ALK: variants seen among roughly 807,000 people sequenced by gnomAD.
ALK encodes the protein ALK receptor tyrosine kinase.
Under a neutral mutation model 163.1 loss-of-function variants are expected in ALK, and 74 were observed. The ratio of observed to expected loss-of-function variants is 0.45; its 90% CI spans 0.38 to 0.55. The LOEUF is 0.55. Among genes scored for constraint, ALK ranks in the 20% least tolerant of loss-of-function variants. The pLI, the probability that ALK is intolerant of heterozygous loss-of-function variation, is 0.00. For missense variants in ALK, 2,063 were observed against 2,105.3 expected (o/e 0.98, Z 0.39); for synonymous variants, 960 against 843.2 (o/e 1.14, Z -2.40).
chr2:29,759,547 G>A (rs1057140179), intron 1 of ALK, among the ~76,000 whole-genome samples: 3 of 152,208 alleles, frequency 2.0e-5, no homozygotes, highest in Non-Finnish European at 4.4e-5. Context: ...CCCTTGACAT[G>A]CTTTCTGGGA....
intron 1 of ALK, among the ~76,000 whole-genome samples, chr2:29,866,380 C>A (rs1666434898): frequency 6.6e-6 from 1 of 152,184 alleles, no homozygotes; most frequent in Admixed American, 6.5e-5. Flanking sequence ...CAACTCGACA[C>A]GCAATGCTCA....
intron 5 of ALK, among the ~76,000 whole-genome samples, chr2:29,363,356 G>A (rs1313690365): frequency 6.6e-6 from 1 of 152,162 alleles, no homozygotes; most frequent in African/African-American, 2.4e-5. Context: ...CATATCTAGG[G>A]AACTGGAGGC....
intron 3 of ALK, among the ~76,000 whole-genome samples, chr2:29,605,594 G>C (rs886503823): frequency 1.3e-5 from 2 of 152,148 alleles, no homozygotes; most frequent in African/African-American, 4.8e-5. Flanking sequence ...GGAGACCAGA[G>C]CTTTGTCTCT....
At chr2:29,876,097 C>T (rs908548298) in intron 1 of ALK, among the ~76,000 whole-genome samples, 1 of 152,178 alleles carries the variant, frequency 6.6e-6, no homozygotes, top group Non-Finnish European at 1.5e-5. Context: ...ATCTACCCTG[C>T]CTTTGCCAGT....
chr2:29,745,767 G>A (rs1436459334), intron 1 of ALK, among the ~76,000 whole-genome samples: 1 of 152,180 alleles, frequency 6.6e-6, no homozygotes, highest in Non-Finnish European at 1.5e-5. Context: ...CACGGGCTTA[G>A]TCACTTGCTT....
At chr2:29,406,219 G>C (rs1462281201) in intron 4 of ALK, among the ~76,000 whole-genome samples, 1 of 152,176 alleles carries the variant, frequency 6.6e-6, no homozygotes, top group Non-Finnish European at 1.5e-5. Context: ...AGGGAAGTCT[G>C]GGGCGGCCTC....
rs569226375 is a variant in ALK at position 29,498,417 on chromosome 2, G to A, written c.1154+33498C>T. ...GCCTGTAGGGTCTTGGTATGTGGGT[G>A]GAGGGCCTATGAGATATAGAGGAAA... On this transcript the variant is annotated intron_variant, in intron 4 of 28. Transcript: ENST00000389048. 2.0e-5 allele frequency among the ~76,000 whole-genome samples: 3 copies of A among 152,108 alleles called. No individual in the cohort carries two copies. In the South Asian group the frequency reaches 6.3e-4, roughly 32 times the overall value.
intron 1 of ALK, among the ~76,000 whole-genome samples, chr2:29,891,990 C>T (rs908485559): frequency 1.3e-4 from 20 of 152,212 alleles, no homozygotes; most frequent in African/African-American, 3.9e-4. Flanking sequence ...CCCAGTCAAC[C>T]GGCTTTCTAT....
chr2:29,556,380 G>C (rs1421318586), intron 3 of ALK, among the ~76,000 whole-genome samples: 1 of 152,110 alleles, frequency 6.6e-6, no homozygotes. Flanking sequence ...ATTCAGCAAG[G>C]GTTCAAGAAC....
At chr2:29,609,328 T>C (rs562113566) in intron 3 of ALK, among the ~76,000 whole-genome samples, 16 of 152,286 alleles carry the variant, frequency 1.1e-4, no homozygotes, top group Non-Finnish European at 1.6e-4. Context: ...TTCCAAAGTG[T>C]TGCAAGCCTG....
chr2:29,506,109 G>A (rs1672313080), intron 4 of ALK, among the ~76,000 whole-genome samples: 1 of 152,174 alleles, frequency 6.6e-6, no homozygotes, highest in African/African-American at 2.4e-5. Context: ...GACTAGGTGG[G>A]TACAGAGGCT....
At chr2:29,374,160 G>C (rs566747640) in intron 5 of ALK, among the ~76,000 whole-genome samples, 2 of 152,324 alleles carry the variant, frequency 1.3e-5, no homozygotes, top group Admixed American at 1.3e-4. Context: ...ATTCAGCTTA[G>C]TCAAGGGATG....
intron 3 of ALK, among the ~76,000 whole-genome samples, chr2:29,557,026 GA>G (rs1410950630): frequency 6.6e-6 from 1 of 152,088 alleles, no homozygotes; most frequent in Non-Finnish European, 1.5e-5. Context: ...GTTTCTTAAA[GA>G]AAGTGGTCTG....
chr2:29,570,781 G>A (rs1003796827), intron 3 of ALK, among the ~76,000 whole-genome samples: 1 of 152,190 alleles, frequency 6.6e-6, no homozygotes, highest in South Asian at 2.1e-4. Context: ...GCTTCCTTGT[G>A]CAGAGTGCAG....
chr2:29,667,235 T>C (rs183129131), intron 3 of ALK, among the ~76,000 whole-genome samples: 9 of 152,202 alleles, frequency 5.9e-5, no homozygotes, highest in Non-Finnish European at 7.4e-5. Flanking sequence ...AGTTTTATTT[T>C]CAGTTTTTTG....
intron 1 of ALK, among the ~76,000 whole-genome samples, chr2:29,800,363 C>T (rs530356695): frequency 2.6e-5 from 4 of 152,316 alleles, no homozygotes; most frequent in Admixed American, 1.3e-4. Flanking sequence ...CATTCCCAGC[C>T]GTTTCCTGAA....
chr2:29,329,449 G>A (rs1373296661), intron 5 of ALK, among the ~76,000 whole-genome samples: 1 of 152,214 alleles, frequency 6.6e-6, no homozygotes, highest in East Asian at 1.9e-4. Context: ...GGCCCCTGTG[G>A]AGATGAGCAG....
At chr2:29,760,898 C>T (rs553543754) in intron 1 of ALK, among the ~76,000 whole-genome samples, 1 of 152,196 alleles carries the variant, frequency 6.6e-6, no homozygotes, top group Non-Finnish European at 1.5e-5. Flanking sequence ...GCTGTTTGCA[C>T]ACCTACATGC....
chr2:29,578,910 C>G (rs4665471), intron 3 of ALK, among the ~76,000 whole-genome samples: 127,239 of 151,874 alleles, frequency 0.84, 53,822 homozygotes, highest in Non-Finnish European at 0.91. Context: ...ACAATCTGAG[C>G]ACTGTCTCTG....
Sources: allele counts gnomAD v4.1 joint callset (sites outside exome capture counted in the v4.1 genomes callset), GRCh38; gene constraint gnomAD v4.1.1; transcripts MANE v1.5; gene names NCBI Gene and HGNC (gene_info 2026-07-23, HGNC 2026-07-21).